The following IQGAP1 variants were observed in gnomAD, a reference collection of about 807,000 sequenced individuals.
The protein encoded by IQGAP1 is IQ motif containing GTPase activating protein 1.
In IQGAP1, 66 loss-of-function variants were observed where a neutral mutation model predicts 215.6. The ratio of observed to expected loss-of-function variants is 0.31; its 90% CI spans 0.25 to 0.38. The LOEUF (loss-of-function observed/expected upper bound fraction) is 0.38, where lower values mean the gene tolerates loss of function less well. IQGAP1 is among the 10% of genes least tolerant of loss of function. The probability of loss-of-function intolerance (pLI) is 1.00; values close to 1 mark genes in which losing one functional copy is unlikely to be tolerated. For synonymous variants in IQGAP1, 772 were observed against 728.7 expected (o/e 1.06, Z -0.96); for missense variants, 1,712 against 1,997.1 (o/e 0.86, Z 2.72).
intron 2 of IQGAP1, among the ~76,000 whole-genome samples, chr15:90,423,308 A>C (rs1965174567): frequency 6.6e-6 from 1 of 152,128 alleles, no homozygotes. Flanking sequence ...ATCTCAACTC[A>C]CTGCAGCTTC....
intron 33 of IQGAP1, 44 bp downstream of exon 33, chr15:90,487,626 C>T: frequency 7.6e-7 from 1 of 1,310,112 alleles, no homozygotes; most frequent in East Asian, 2.3e-5. Flanking sequence ...GGTAGATAAG[C>T]TCTCCCGATA....
intron 5 of IQGAP1, among the ~76,000 whole-genome samples, chr15:90,438,619 A>G (rs1214726808): frequency 6.6e-6 from 1 of 152,218 alleles, no homozygotes; most frequent in Non-Finnish European, 1.5e-5. Context: ...TGCCATCTGA[A>G]TCATTTTTAT....
intron 5 of IQGAP1, among the ~76,000 whole-genome samples, chr15:90,435,447 G>T (rs1466312899): frequency 6.6e-6 from 1 of 152,214 alleles, no homozygotes; most frequent in Non-Finnish European, 1.5e-5. Flanking sequence ...CTGCACTTCA[G>T]CCTGGATGAC....
At chr15:90,451,150 GAGAT>G (rs1369041506) in intron 11 of IQGAP1, among the ~76,000 whole-genome samples, 13 of 152,154 alleles carry the variant, frequency 8.5e-5, no homozygotes, top group Non-Finnish European at 4.4e-5. Flanking sequence ...TATATTATGA[GAGAT>G]AGGGATCTAG....
intron 33 of IQGAP1, among the ~76,000 whole-genome samples, chr15:90,488,542 T>G (rs1966161664): frequency 6.6e-6 from 1 of 152,202 alleles, no homozygotes; most frequent in African/African-American, 2.4e-5. Flanking sequence ...ATGTGGCTCC[T>G]AAACTCAGTG....
intron 6 of IQGAP1, 125 bp from the exon 7 acceptor site, chr15:90,440,377 T>G (rs754040814): frequency 2.7e-5 from 18 of 656,128 alleles, no homozygotes; most frequent in Middle Eastern, 3.0e-4. Context: ...TATCTTTATA[T>G]CCTTATAAAA....
intron 2 of IQGAP1, among the ~76,000 whole-genome samples, chr15:90,422,591 T>A (rs1965154327): frequency 7.1e-6 from 1 of 139,978 alleles, no homozygotes; most frequent in East Asian, 2.1e-4. Context: ...TTCAGAAATG[T>A]TTAATAATTG....
rs191097856 is a variant in IQGAP1, at chr15:90,487,586, A to G, written c.4248+4A>G. Reference sequence around the variant, plus strand: ...AACACCAGCCACCAGTGAACAGGTAAAATTTAGGGTCTAACATACTCCTTT... The same window carrying G: ...AACACCAGCCACCAGTGAACAGGTAGAATTTAGGGTCTAACATACTCCTTT... On this transcript the variant is annotated splice_donor_region_variant and intron_variant, in intron 33 of 37. Coordinates refer to ENST00000268182, the MANE Select transcript of IQGAP1 (RefSeq NM_003870.4). 5.2e-5 allele frequency: 84 copies of G among 1,602,408 alleles called. No individual in the cohort carries two copies. The East Asian group carries it at 1.8e-3, about 34-fold the overall frequency.
intron 4 of IQGAP1, among the ~76,000 whole-genome samples, chr15:90,430,689 A>G (rs957558709): frequency 6.6e-6 from 1 of 151,938 alleles, no homozygotes; most frequent in Non-Finnish European, 1.5e-5. Flanking sequence ...AATGGTTTTC[A>G]TTTCTGTGTG....
intron 2 of IQGAP1, among the ~76,000 whole-genome samples, chr15:90,408,874 C>G (rs994022810): frequency 6.6e-6 from 1 of 152,140 alleles, no homozygotes; most frequent in South Asian, 2.1e-4. Flanking sequence ...TCATGGCAGC[C>G]GGGAACTCTT....
Position 90,452,505 on chromosome 15 carries a change from G to A in IQGAP1, c.1163-270G>A, listed in dbSNP as rs146246695. On this transcript the variant is annotated intron_variant, in intron 11 of 37. Transcript: ENST00000268182. The stretch of plus-strand genomic sequence containing the variant: ...AGATGGGAAGTAGTGGTAGCATATA[G>A]GATGAATTGAACGGGAAGAAAATAG... Among the ~76,000 whole-genome samples, 1,308 of 152,318 alleles carry A rather than the reference G, an allele frequency of 8.6e-3. 17 individuals are homozygous for A. The highest frequency in any genetic ancestry group is 0.03 in the African/African-American group (1,248 of 41,558).
chr15:90,418,041 C>G (rs1232529287), intron 2 of IQGAP1, among the ~76,000 whole-genome samples: 3 of 152,144 alleles, frequency 2.0e-5, no homozygotes, highest in Non-Finnish European at 4.4e-5. Context: ...AAGCCTAGTT[C>G]AGATATCATC....
intron 16 of IQGAP1, 88 bp downstream of exon 16, chr15:90,466,179 A>T (rs1422939290): frequency 6.4e-7 from 1 of 1,572,304 alleles, no homozygotes; most frequent in Non-Finnish European, 8.8e-7. Context: ...GTATGGGGGA[A>T]CAATTTGCCA....
At chr15:90,422,648 ATATATATATATG>A (rs1965160419) in intron 2 of IQGAP1, among the ~76,000 whole-genome samples, 1 of 69,820 alleles carries the variant, frequency 1.4e-5, no homozygotes, top group Admixed American at 1.7e-4. Flanking sequence ...ATGTATATGT[ATATATATATATG>A]TATATATATA....
chr15:90,450,038 C>T (rs369152804), intron 11 of IQGAP1, among the ~76,000 whole-genome samples: 1 of 152,130 alleles, frequency 6.6e-6, no homozygotes, highest in Non-Finnish European at 1.5e-5. Context: ...TTGAACTATA[C>T]ATTATTGTTA....
intron 17 of IQGAP1, 82 bp from the exon 18 acceptor site, chr15:90,467,368 A>G: frequency 1.4e-6 from 2 of 1,388,500 alleles, no homozygotes; most frequent in Admixed American, 2.3e-5. Context: ...CTGTGAGACT[A>G]ACTAATAATC....
In IQGAP1 at chr15:90,441,909, C is replaced by T. The variant is rs117727888; in HGVS notation, c.828+225C>T. On this transcript the variant is annotated intron_variant, in intron 8 of 37. Transcript: ENST00000268182. ...GCAATTAGTTTCCACCTTACCCACA[C>T]CCCTGAGCCCAGGCAACTACCAGTC... Among the ~76,000 whole-genome samples, 604 of 152,266 alleles carry T rather than the reference C, an allele frequency of 4.0e-3. 7 individuals carry two copies. Among genetic ancestry groups the T allele is most frequent in the Non-Finnish European group, 4.2e-3 (288 of 68,026 alleles).
In IQGAP1 at chr15:90,501,576, A is replaced by T. The variant is rs1462787107; in HGVS notation, c.*1468A>T. ...ACAAACTATGTAGTGTGTCCCTATTATAAATGCATTGGAGAAGTATTTTTA... is the reference window on the plus strand; with the variant it reads ...ACAAACTATGTAGTGTGTCCCTATTTTAAATGCATTGGAGAAGTATTTTTA... On this transcript the variant is annotated 3_prime_UTR_variant, in exon 38 of 38. Coordinates refer to ENST00000268182, the MANE Select transcript of IQGAP1 (RefSeq NM_003870.4). 5 of 152,212 alleles carry T rather than the reference A, an allele frequency of 3.3e-5. No homozygotes were observed. The highest frequency in any genetic ancestry group is 1.2e-4 in the African/African-American group (5 of 41,454). The allele number at this position is 152,212 out of a possible 1,614,324, so 9.4% of individuals were successfully genotyped here. A position where few individuals can be genotyped will look rare whatever the true frequency, so the allele number is the denominator to read the frequency against.
At chr15:90,438,405 A>G (rs940863824) in intron 5 of IQGAP1, among the ~76,000 whole-genome samples, 1 of 152,212 alleles carries the variant, frequency 6.6e-6, no homozygotes, top group Non-Finnish European at 1.5e-5. Flanking sequence ...CTGGGTAAAC[A>G]TTAGTGAATG....
Sources: gnomAD v4.1 joint callset for allele counts (sites outside exome capture counted in the v4.1 genomes callset) on GRCh38, gnomAD v4.1.1 for gene constraint, MANE v1.5 for transcripts, NCBI Gene and HGNC (gene_info 2026-07-23, HGNC 2026-07-21) for gene names.